The following UPP1 variants were observed in gnomAD, a reference collection of about 807,000 sequenced individuals.
The protein encoded by UPP1 is UPase 1.
Under a neutral mutation model 29.6 loss-of-function variants are expected in UPP1, and 25 were observed. The ratio of observed to expected loss-of-function variants is 0.85; its 90% CI spans 0.62 to 1.18. The LOEUF (loss-of-function observed/expected upper bound fraction) is 1.18, where lower values mean the gene tolerates loss of function less well. Ranked by LOEUF, UPP1 falls within the 50% of genes most tolerant of loss-of-function variation. The pLI is 0.00. For synonymous variants in UPP1, 165 were observed against 159.8 expected, an observed-to-expected ratio of 1.03 and a Z score of -0.25; for missense variants, 368 against 410.4, an observed-to-expected ratio of 0.90 and a Z score of 0.89.
chr7:48,106,657 G>T (rs1230689556), intron 6 of UPP1: 2 of 538,664 alleles, frequency 3.7e-6, no homozygotes, highest in Non-Finnish European at 6.7e-6. Flanking sequence ...TGTCCATAAT[G>T]ATCATGCATT....
Position 48,106,952 on chromosome 7 carries a change from G to C in UPP1, c.516G>C (p.Leu172=). The change falls in exon 7 of 9, where the codon CTG becomes CTC. Residue 172 remains leucine, a synonymous_variant. Transcript: ENST00000395564. The stretch of plus-strand genomic sequence containing the variant: ...AGGCAGAGTTTGAGCAGATTGTCCT[G>C]GGGAAGCGGGTCATCCGGAAAACGG... The part of the protein sequence containing the change: ...CFKAEFEQIV[L]GKRVIRKTDL... The C allele has an allele frequency of 6.2e-7, 1 of 1,613,508 alleles. No individual in the cohort carries two copies. Among genetic ancestry groups the C allele is most frequent in the Non-Finnish European group, 8.5e-7 (1 of 1,179,958 alleles).
At chr7:48,096,990 G>A (rs141428316) in intron 3 of UPP1, among the ~76,000 whole-genome samples, 6 of 152,184 alleles carry the variant, frequency 3.9e-5, no homozygotes, top group Non-Finnish European at 7.4e-5. Flanking sequence ...ATGAGCCACC[G>A]CGCCCAGACA....
chr7:48,098,333 G>T (rs1792231828), intron 3 of UPP1, among the ~76,000 whole-genome samples: 1 of 152,198 alleles, frequency 6.6e-6, no homozygotes, highest in Non-Finnish European at 1.5e-5. Context: ...GGTGTCTGCT[G>T]TTGATGAGTG....
intron 6 of UPP1, chr7:48,103,946 G>A (rs1461430822): frequency 1.1e-4 from 132 of 1,253,878 alleles, no homozygotes; most frequent in Non-Finnish European, 1.3e-4. Flanking sequence ...TTGGCCGGGC[G>A]CGGTGGCTCA....
Position 48,099,772 on chromosome 7 carries a change from G to A in UPP1, c.147G>A (p.Leu49=), listed in dbSNP as rs748317009. Residue 49 remains leucine, a synonymous_variant, in exon 4 of 9, where the codon TTG becomes TTA. Transcript: ENST00000395564. ...CTAGCAGACACAATTTCCCAGCCTTGTTTGGAGATGTGAAGGTAAGAGGCC... is the reference window on the plus strand; with the variant it reads ...CTAGCAGACACAATTTCCCAGCCTTATTTGGAGATGTGAAGGTAAGAGGCC... ...LTTSRHNFPA[L]FGDVKFVCVG... 15 of 1,610,862 alleles carry A rather than the reference G, an allele frequency of 9.3e-6. No homozygotes were observed. Among genetic ancestry groups the A allele is most frequent in the Non-Finnish European group, 1.3e-5 (15 of 1,177,070 alleles).
chr7:48,108,187 C>T (rs942970920), intron 8 of UPP1, 31 bp from the exon 9 acceptor site: 7 of 1,596,198 alleles, frequency 4.4e-6, no homozygotes, highest in Non-Finnish European at 6.0e-6. Context: ...CCCCCGGCAC[C>T]TTGCCTTGAT....
chr7:48,090,649 TAC>T (rs1791777136), intron 2 of UPP1, among the ~76,000 whole-genome samples: 3 of 152,210 alleles, frequency 2.0e-5, no homozygotes, highest in Admixed American at 1.3e-4. Context: ...AAGAATGTCT[TAC>T]TCTGGATTTC....
chr7:48,103,512 T>C, intron 6 of UPP1, 101 bp downstream of exon 6: 1 of 1,098,418 alleles, frequency 9.1e-7, no homozygotes. Flanking sequence ...AAAGAGTTCC[T>C]TTCTTGGCTT....
At chr7:48,092,669 C>A (rs1197025039) in intron 2 of UPP1, among the ~76,000 whole-genome samples, 2 of 151,780 alleles carry the variant, frequency 1.3e-5, no homozygotes. Context: ...CCACTCCACT[C>A]CAGCCTGGGT....
At chr7:48,100,242 A>G (rs1207132537) in intron 4 of UPP1, among the ~76,000 whole-genome samples, 1 of 152,226 alleles carries the variant, frequency 6.6e-6, no homozygotes, top group Non-Finnish European at 1.5e-5. Context: ...GTATCTATAC[A>G]TATCTAAACA....
chr7:48,099,623 C>T (rs779996075), intron 3 of UPP1, 47 bp from the exon 4 acceptor site: 67 of 1,325,884 alleles, frequency 5.1e-5, no homozygotes, highest in South Asian at 7.1e-5. Context: ...TGTCGGCTGT[C>T]GGGCACTGAT....
intron 2 of UPP1, among the ~76,000 whole-genome samples, chr7:48,094,021 A>C (rs1489264130): frequency 1.2e-4 from 18 of 152,014 alleles, no homozygotes; most frequent in Non-Finnish European, 2.6e-4. Flanking sequence ...TTAGCTGAAC[A>C]TGGTGGCGTG....
At chr7:48,090,116 G>C (rs1444085207) in intron 1 of UPP1, 72 bp from the exon 2 acceptor site, 1 of 152,226 alleles carries the variant, frequency 6.6e-6, no homozygotes, top group Non-Finnish European at 1.5e-5. Context: ...TGCGTTATAT[G>C]ACATAATTTG....
intron 6 of UPP1, chr7:48,106,246 C>G (rs938117983): frequency 6.5e-6 from 1 of 154,910 alleles, no homozygotes; most frequent in Non-Finnish European, 1.4e-5. Context: ...AGTGGGAAAT[C>G]GCCGTGAATG....
chr7:48,088,975 C>G (rs1369892299), upstream of UPP1: 1 of 152,288 alleles, frequency 6.6e-6, no homozygotes, highest in African/African-American at 2.4e-5. Flanking sequence ...ACAGAACTGG[C>G]TGCTGGTTCT....
chr7:48,099,853 G>A, intron 4 of UPP1, 66 bp downstream of exon 4: 1 of 1,045,668 alleles, frequency 9.6e-7, no homozygotes, highest in Non-Finnish European at 1.5e-6. Flanking sequence ...TATTATACAG[G>A]TAGACCAACC....
At chr7:48,100,670 A>G (rs1000876426) in intron 4 of UPP1, among the ~76,000 whole-genome samples, 4 of 152,204 alleles carry the variant, frequency 2.6e-5, no homozygotes, top group African/African-American at 9.6e-5. Flanking sequence ...ATATACCAGG[A>G]CGCTAGAATC....
chr7:48,099,948 T>C (rs1365866097), intron 4 of UPP1, among the ~76,000 whole-genome samples, 161 bp downstream of exon 4: 1 of 152,276 alleles, frequency 6.6e-6, no homozygotes, highest in Non-Finnish European at 1.5e-5. Flanking sequence ...CTTTCAAGTA[T>C]GTGAACTAGC....
intron 6 of UPP1, chr7:48,106,626 T>G (rs1179798160): frequency 4.4e-6 from 2 of 455,298 alleles, no homozygotes; most frequent in East Asian, 8.7e-5. Context: ...ACTTTGTTTT[T>G]TGTGCCTTTC....
Sources: gnomAD v4.1 joint callset for allele counts (sites outside exome capture counted in the v4.1 genomes callset) on GRCh38, gnomAD v4.1.1 for gene constraint, MANE v1.5 for transcripts, NCBI Gene and HGNC (gene_info 2026-07-23, HGNC 2026-07-21) for gene names.